The following ITGA8 variants were observed in gnomAD, a reference collection of about 807,000 sequenced individuals.
ITGA8 encodes integrin subunit alpha 8.
Under a neutral mutation model 142.3 loss-of-function variants are expected in ITGA8, and 91 were observed. That is an observed-to-expected ratio of 0.64 (90% confidence interval 0.54 to 0.76). The LOEUF is 0.76. ITGA8 is among the 30% of genes least tolerant of loss of function. ITGA8 has a pLI of 0.00. For missense variants in ITGA8, 1,406 were observed against 1,327.7 expected (o/e 1.06, Z -0.92); for synonymous variants, 505 against 485.2 (o/e 1.04, Z -0.54).
intron 28 of ITGA8, among the ~76,000 whole-genome samples, chr10:15,528,504 G>GTCT (rs1833221115): frequency 1.0e-5 from 1 of 95,976 alleles, no homozygotes; most frequent in African/African-American, 3.5e-5. Context: ...CAGATAAAAA[G>GTCT]TCTTTTTTTT....
At chr10:15,658,727 C>T (rs570463708) in intron 10 of ITGA8, among the ~76,000 whole-genome samples, 80 of 152,296 alleles carry the variant, frequency 5.3e-4, no homozygotes, top group African/African-American at 1.8e-3. Flanking sequence ...TTCTTTAAAT[C>T]ATGGTTCACA....
chr10:15,617,257 G>C (rs1440459305), intron 13 of ITGA8, among the ~76,000 whole-genome samples: 1 of 152,086 alleles, frequency 6.6e-6, no homozygotes, highest in Non-Finnish European at 1.5e-5. Context: ...GACTTAAGAA[G>C]GCTAAACTGT....
At chr10:15,530,910 A>G in intron 28 of ITGA8, 140 bp downstream of exon 28, 2 of 531,664 alleles carry the variant, frequency 3.8e-6, no homozygotes, top group South Asian at 6.3e-5. Flanking sequence ...TTACCAGACC[A>G]ATGTAAGAAA....
chr10:15,543,466 T>G (rs945161948), intron 27 of ITGA8, among the ~76,000 whole-genome samples: 1 of 152,212 alleles, frequency 6.6e-6, no homozygotes, highest in African/African-American at 2.4e-5. Flanking sequence ...CACTCAAGCC[T>G]TCAGATGACT....
At chr10:15,701,983 A>G (rs1358283916) in intron 2 of ITGA8, among the ~76,000 whole-genome samples, 1 of 152,212 alleles carries the variant, frequency 6.6e-6, no homozygotes, top group African/African-American at 2.4e-5. Flanking sequence ...AGCCTTGGCC[A>G]GAGAACTCCT....
chr10:15,587,624 C>G (rs896700502), intron 22 of ITGA8, among the ~76,000 whole-genome samples: 1 of 152,120 alleles, frequency 6.6e-6, no homozygotes, highest in Non-Finnish European at 1.5e-5. Context: ...TTTCATTACC[C>G]ACAATACCCT....
intron 14 of ITGA8, among the ~76,000 whole-genome samples, chr10:15,614,031 A>G (rs1008187660): frequency 7.9e-5 from 12 of 152,196 alleles, no homozygotes; most frequent in African/African-American, 2.9e-4. Context: ...TTGCGTACAC[A>G]ACCTAATTTC....
At chr10:15,695,046 C>T (rs1835025343) in intron 2 of ITGA8, among the ~76,000 whole-genome samples, 3 of 152,070 alleles carry the variant, frequency 2.0e-5, no homozygotes, top group African/African-American at 7.2e-5. Context: ...ACGGGACCTT[C>T]CTTTGCTAGT....
intron 26 of ITGA8, 47 bp from the exon 27 acceptor site, chr10:15,548,615 A>T: frequency 8.4e-7 from 1 of 1,189,926 alleles, no homozygotes; most frequent in Non-Finnish European, 1.2e-6. Context: ...ATCATGGTAG[A>T]GACTGAACAC....
chr10:15,627,908 A>T lies in ITGA8; in HGVS notation c.1400-11349T>A, dbSNP rs1055721374. Among the ~76,000 whole-genome samples, 16 of 152,004 alleles carry T rather than the reference A, an allele frequency of 1.1e-4. 3 individuals are homozygous for T. Among genetic ancestry groups the T allele is most frequent in the African/African-American group, 3.4e-4 (14 of 41,284 alleles). On this transcript the variant is annotated intron_variant, in intron 13 of 29. Transcript: ENST00000378076. Reference sequence around the variant, plus strand: ...TACAGGTCACAAAGACCTTGCTGATAAAACAGGATGCAGTAAAGAAGTCGG... The same window carrying T: ...TACAGGTCACAAAGACCTTGCTGATTAAACAGGATGCAGTAAAGAAGTCGG...
chr10:15,634,950 A>G (rs1327735871), intron 13 of ITGA8, among the ~76,000 whole-genome samples: 3 of 152,020 alleles, frequency 2.0e-5, no homozygotes, highest in African/African-American at 7.2e-5. Context: ...AAGTATTTCC[A>G]AGAAAACATT....
In ITGA8 at chr10:15,664,156, T is replaced by C. The variant is rs540897062; in HGVS notation, c.848-3234A>G. Among the ~76,000 whole-genome samples the C allele has an allele frequency of 4.0e-4, 61 of 152,276 alleles. 2 individuals carry two copies. The South Asian group carries it at 0.013, about 32-fold the overall frequency. On this transcript the variant is annotated intron_variant, in intron 8 of 29. Transcript: ENST00000378076. ...TAGCTCATCATCCTTATTTTAGGAA[T>C]GAAAAAATTTGGAGGCACTAAGATG... is the stretch of plus-strand genomic sequence containing the variant.
chr10:15,666,634 A>T (rs913544351), intron 8 of ITGA8, among the ~76,000 whole-genome samples: 2 of 152,206 alleles, frequency 1.3e-5, no homozygotes, highest in African/African-American at 4.8e-5. Context: ...TTGTCCATTC[A>T]GTATGATATT....
chr10:15,606,296 C>G lies in ITGA8; in HGVS notation c.1891G>C (p.Val631Leu), dbSNP rs780381157. 3.1e-6 allele frequency: 5 copies of G among 1,607,028 alleles called. No individual in the cohort carries two copies. The African/African-American group carries it at 6.7e-5, about 21-fold the overall frequency. The change falls in exon 18 of 30, where the codon GTT (valine) becomes CTT (leucine). Residue 631 changes from valine (V) to leucine (L), a missense_variant. Val to Leu is a conservative substitution (Grantham distance 32). Coordinates refer to ENST00000378076, the MANE Select transcript of ITGA8 (RefSeq NM_003638.3). Reference sequence around the variant, plus strand: ...TGTGAAGGACTTACCTGTTCACTAACAATGTTTTCTCTGTAGTAGTTCAAT... The same window carrying G: ...TGTGAAGGACTTACCTGTTCACTAAGAATGTTTTCTCTGTAGTAGTTCAAT... ...PILNYYRENI[V>L]SEQAHILVDC...
intron 13 of ITGA8, among the ~76,000 whole-genome samples, chr10:15,621,756 AC>A (rs930148984): frequency 2.6e-5 from 4 of 152,158 alleles, no homozygotes; most frequent in African/African-American, 9.7e-5. Flanking sequence ...AGTCCCAGCT[AC>A]TTCAGAGGCT....
intron 23 of ITGA8, among the ~76,000 whole-genome samples, chr10:15,586,215 C>T (rs756449975): frequency 1.3e-5 from 2 of 151,806 alleles, no homozygotes; most frequent in East Asian, 1.9e-4. Context: ...CCCACAACCA[C>T]GCCTGGCTAA....
At chr10:15,670,003 A>G (rs900137465) in intron 8 of ITGA8, among the ~76,000 whole-genome samples, 2 of 152,122 alleles carry the variant, frequency 1.3e-5, no homozygotes, top group African/African-American at 4.8e-5. Flanking sequence ...TCAGATCTCA[A>G]GCTGCGTGCT....
chr10:15,514,218 G>A lies in ITGA8; in HGVS notation c.*2940C>T, dbSNP rs1238844016. On this transcript the variant is annotated 3_prime_UTR_variant, in exon 30 of 30. Transcript: ENST00000378076. Reference sequence around the variant, plus strand: ...AGAGAAATACAGATAGACCCTCAGAGGAGCACAGCACATTATGAATTATGA... The same window carrying A: ...AGAGAAATACAGATAGACCCTCAGAAGAGCACAGCACATTATGAATTATGA... The A allele has an allele frequency of 6.6e-6, 1 of 152,064 alleles. No homozygotes were observed. Among genetic ancestry groups the A allele is most frequent in the East Asian group, 1.9e-4 (1 of 5,186 alleles). The allele number at this position is 152,064 out of a possible 1,614,324, so 9.4% of individuals were successfully genotyped here.
At chr10:15,702,542 C>T (rs1047706668) in intron 2 of ITGA8, among the ~76,000 whole-genome samples, 4 of 152,156 alleles carry the variant, frequency 2.6e-5, no homozygotes, top group African/African-American at 4.8e-5. Context: ...TCACCCACCT[C>T]GGCCTCCCAA....
Sources: allele counts gnomAD v4.1 joint callset (sites outside exome capture counted in the v4.1 genomes callset), GRCh38; gene constraint gnomAD v4.1.1; transcripts MANE v1.5; gene names NCBI Gene and HGNC (gene_info 2026-07-23, HGNC 2026-07-21).